Variants in RBM4B observed in about 807,000 individuals in gnomAD.
RBM4B encodes RNA binding motif protein 4B.
Under a neutral mutation model 28.5 loss-of-function variants are expected in RBM4B, and 13 were observed. The ratio of observed to expected loss-of-function variants is 0.46; its 90% CI spans 0.30 to 0.72. The LOEUF is 0.72. Among genes scored for constraint, RBM4B ranks in the 30% least tolerant of loss-of-function variants. The pLI is 0.09. For missense variants in RBM4B, 387 were observed against 477.6 expected (o/e 0.81, Z 1.77); for synonymous variants, 167 against 179.1 (o/e 0.93, Z 0.54).
chr11:66,676,564 A>T (rs1939642257), intron 2 of RBM4B, 104 bp downstream of exon 2: 1 of 1,323,418 alleles, frequency 7.6e-7, no homozygotes, highest in African/African-American at 1.5e-5. Flanking sequence ...TTCCAGCTAA[A>T]ACAGAATGGA....
chr11:66,667,411 C>T (rs1471233786), intron 3 of RBM4B: 2 of 152,094 alleles, frequency 1.3e-5, no homozygotes, highest in Non-Finnish European at 2.9e-5. Context: ...CTTAAATGTT[C>T]CTCTCTTCAA....
chr11:66,676,279 C>T, intron 2 of RBM4B: 1 of 327,736 alleles, frequency 3.1e-6, no homozygotes, highest in Non-Finnish European at 5.6e-6. Flanking sequence ...ATCTTAAGCA[C>T]TTAAACCCTC....
Position 66,676,846 on chromosome 11 carries a change from G to A in RBM4B, c.234C>T (p.Thr78=), listed in dbSNP as rs774805824. 66 of 1,614,194 alleles carry A rather than the reference G, an allele frequency of 4.1e-5. No individual in the cohort carries two copies. The Middle Eastern group carries it at 8.2e-4, about 20-fold the overall frequency. The change falls in exon 2 of 4, where the codon ACC becomes ACT. Residue 78 remains threonine (T), a synonymous_variant. Coordinates refer to ENST00000310046, the MANE Select transcript of RBM4B (RefSeq NM_031492.4). ...EASKNKSKAS[T]KLHVGNISPT... Reference sequence around the variant, plus strand: ...GGCTGATGTTACCCACGTGTAACTTGGTTGAAGCTTTGCTCTTATTCTTGC... The same window carrying A: ...GGCTGATGTTACCCACGTGTAACTTAGTTGAAGCTTTGCTCTTATTCTTGC...
intron 2 of RBM4B, among the ~76,000 whole-genome samples, chr11:66,671,664 G>A (rs1048872928): frequency 2.0e-5 from 3 of 152,134 alleles, no homozygotes; most frequent in African/African-American, 4.8e-5. Context: ...TATTTAGAGG[G>A]TGGGAAATCA....
intron 3 of RBM4B, 72 bp from the exon 4 acceptor site, chr11:66,665,650 T>G: frequency 6.5e-7 from 1 of 1,534,878 alleles, no homozygotes; most frequent in Non-Finnish European, 8.7e-7. Flanking sequence ...ACAAGCGCCC[T>G]GGGTCCTGTC....
Position 66,668,422 on chromosome 11 carries a change from T to A in RBM4B, c.*9+193A>T, listed in dbSNP as rs919978277. ...CTCAGAAGGAACAAGTTGGTTGGAG[T>A]CATACACTAACACCTTGACAGGCCA... On this transcript the variant is annotated intron_variant, in intron 3 of 3. Transcript: ENST00000310046. 17 of 541,202 alleles carry A rather than the reference T, an allele frequency of 3.1e-5. No individual in the cohort carries two copies. In the Middle Eastern group the frequency reaches 1.9e-3, roughly 60 times the overall value. 33.5% of individuals were successfully genotyped at this position (541,202 alleles called of 1,614,324 possible). A position where few individuals can be genotyped will look rare whatever the true frequency, so the allele number is the denominator to read the frequency against.
At chr11:66,670,508 A>G (rs932937109) in intron 2 of RBM4B, among the ~76,000 whole-genome samples, 2 of 152,174 alleles carry the variant, frequency 1.3e-5, no homozygotes, top group African/African-American at 4.8e-5. Context: ...GGAACAGCTA[A>G]GAGAAGAAAA....
In RBM4B at chr11:66,668,984, T is replaced by G; in HGVS notation, c.720A>C (p.Ala240=). The change falls in exon 3 of 4, where the codon GCA becomes GCC. Residue 240 remains alanine, a synonymous_variant. Coordinates refer to ENST00000310046, the MANE Select transcript of RBM4B (RefSeq NM_031492.4). ...EAVAAAAAAS[A]YNYAEQTMSH... is the part of the protein sequence containing the mutation. The stretch of plus-strand genomic sequence containing the variant: ...ACATGGTCTGCTCTGCGTAGTTGTA[T>G]GCAGAAGCCGCTGCCGCCGCTGCTA... 2 of 1,614,184 alleles carry G rather than the reference T, an allele frequency of 1.2e-6. No individual in the cohort carries two copies. Among genetic ancestry groups the G allele is most frequent in the Non-Finnish European group, 1.7e-6 (2 of 1,179,998 alleles).
At chr11:66,674,166 GA>G (rs1378285090) in intron 2 of RBM4B, among the ~76,000 whole-genome samples, 3 of 145,722 alleles carry the variant, frequency 2.1e-5, no homozygotes, top group African/African-American at 5.1e-5. Context: ...CCAATTAACT[GA>G]TTTTTTTTTC....
Position 66,668,738 on chromosome 11 carries a change from A to G in RBM4B, c.966T>C (p.Tyr322=), listed in dbSNP as rs1284085363. 1.2e-6 allele frequency: 2 copies of G among 1,614,116 alleles called. No individual in the cohort carries two copies. Among genetic ancestry groups the G allele is most frequent in the Non-Finnish European group, 1.7e-6 (2 of 1,180,026 alleles). ...MLPTVGEGYG[Y]GPESELSQAS... ...CCTGAGATAATTCACTCTCTGGCCCATAACCGTAGCCCTCTCCAACTGTGG... is the reference window on the plus strand; with the variant it reads ...CCTGAGATAATTCACTCTCTGGCCCGTAACCGTAGCCCTCTCCAACTGTGG... Residue 322 remains tyrosine (Y), a synonymous_variant, in exon 3 of 4, where the codon TAT becomes TAC. Coordinates refer to ENST00000310046, the MANE Select transcript of RBM4B (RefSeq NM_031492.4).
At chr11:66,674,336 G>T (rs1445374706) in intron 2 of RBM4B, among the ~76,000 whole-genome samples, 1 of 150,702 alleles carries the variant, frequency 6.6e-6, no homozygotes, top group Non-Finnish European at 1.5e-5. Flanking sequence ...CTATTCTCCT[G>T]CCTCAGCTTC....
chr11:66,670,870 C>A, intron 2 of RBM4B: 4 of 700,302 alleles, frequency 5.7e-6, no homozygotes, highest in Non-Finnish European at 7.8e-6. Flanking sequence ...CTTCTCATTA[C>A]TCTTAAGGAC....
At chr11:66,669,729 C>T (rs1490681462) in intron 2 of RBM4B, among the ~76,000 whole-genome samples, 2 of 152,226 alleles carry the variant, frequency 1.3e-5, no homozygotes, top group East Asian at 1.9e-4. Context: ...TACAGGCATG[C>T]GCCATTGCGC....
intron 2 of RBM4B, among the ~76,000 whole-genome samples, chr11:66,672,928 C>A (rs1017430930): frequency 2.0e-5 from 3 of 152,136 alleles, no homozygotes; most frequent in Admixed American, 2.0e-4. Context: ...TACACTTGGA[C>A]AAAGTAGGCC....
At chr11:66,665,787 A>G in intron 3 of RBM4B, 4 of 1,390,700 alleles carry the variant, frequency 2.9e-6, no homozygotes, top group Non-Finnish European at 3.9e-6. Flanking sequence ...GGCTATATAT[A>G]TAGGACAAGA....
chr11:66,673,364 C>T (rs1203466729), intron 2 of RBM4B, among the ~76,000 whole-genome samples: 9 of 152,142 alleles, frequency 5.9e-5, no homozygotes, highest in Admixed American at 2.0e-4. Flanking sequence ...ACTCAGATTC[C>T]GCTACTTCCT....
intron 3 of RBM4B, chr11:66,665,791 G>A: frequency 1.4e-6 from 2 of 1,408,540 alleles, no homozygotes; most frequent in Non-Finnish European, 1.9e-6. Flanking sequence ...ATATATATAG[G>A]ACAAGATGCA....
intron 2 of RBM4B, among the ~76,000 whole-genome samples, chr11:66,673,343 GAGTAA>G (rs1260249736): frequency 3.0e-4 from 45 of 152,216 alleles, no homozygotes; most frequent in African/African-American, 9.9e-4. Flanking sequence ...GATCCTGAAA[GAGTAA>G]AGTAAACTCA....
rs985479559 is a variant in RBM4B at position 66,665,505 on chromosome 11, C to T, written c.*83G>A. ...GAAACATGAAGCAATGGAAACATCC[C>T]GGCAAAGGGGACCGCGCGGAGCAAG... On this transcript the variant is annotated 3_prime_UTR_variant, in exon 4 of 4. Transcript: ENST00000310046. The T allele has an allele frequency of 4.3e-5, 50 of 1,170,732 alleles. No individual in the cohort carries two copies. In the Admixed American group the frequency reaches 9.0e-4, roughly 21 times the overall value. 72.5% of individuals were successfully genotyped at this position (1,170,732 alleles called of 1,614,324 possible).
Sources: allele counts gnomAD v4.1 joint callset (sites outside exome capture counted in the v4.1 genomes callset), GRCh38; gene constraint gnomAD v4.1.1; transcripts MANE v1.5; gene names NCBI Gene and HGNC (gene_info 2026-07-23, HGNC 2026-07-21).